The following PATJ variants were observed in gnomAD, a reference collection of about 807,000 sequenced individuals.
The protein encoded by PATJ is inaD-like protein.
PATJ carries 190 observed loss-of-function variants against 224.9 expected under a neutral mutation model. That is an observed-to-expected ratio of 0.84 (90% CI 0.75 to 0.95). PATJ has a LOEUF of 0.95. Ranked by LOEUF, PATJ falls within the 40% of genes least tolerant of loss-of-function variation. The pLI is 0.00. For missense variants in PATJ, 2,121 were observed against 2,270.3 expected (o/e 0.93, Z 1.34); for synonymous variants, 769 against 820.3 (o/e 0.94, Z 1.07).
At position 62,125,370 on chromosome 1, in the gene PATJ, T is replaced by C. The variant is rs192661752; in HGVS notation, c.5043+2312T>C. Reference sequence around the variant, plus strand: ...TAACTCACCTCAAAGGTAAATATTATTGTGTGGATTACATGAGGTCATGAA... The same window carrying C: ...TAACTCACCTCAAAGGTAAATATTACTGTGTGGATTACATGAGGTCATGAA... On this transcript the variant is annotated intron_variant, in intron 39 of 43. Coordinates refer to ENST00000642238, the MANE Select transcript of PATJ (RefSeq NM_001350145.3). 1.6e-3 allele frequency among the ~76,000 whole-genome samples: 240 copies of C among 151,960 alleles called. 1 individual carries two copies. Among genetic ancestry groups the C allele is most frequent in the African/African-American group, 5.6e-3 (231 of 41,414 alleles).
chr1:62,002,729 A>G (rs75600597), intron 28 of PATJ, among the ~76,000 whole-genome samples: 11,260 of 134,710 alleles, frequency 0.084, 804 homozygotes, highest in East Asian at 0.35. Flanking sequence ...AAAAAAAAAA[A>G]AAAAAGAGAG....
Position 62,133,087 on chromosome 1 carries a change from T to A in PATJ, c.5271+4142T>A, listed in dbSNP as rs76437816. Among the ~76,000 whole-genome samples the A allele has an allele frequency of 4.5e-3, 682 of 152,250 alleles. 19 individuals carry two copies. The East Asian group carries it at 0.085, about 19-fold the overall frequency. ...AAGAGTTTGGCGAGCTAAATTTTCA[T>A]CTCTTAGAGTAGGGAGTCAGTGGAC... is the stretch of plus-strand genomic sequence containing the variant. On this transcript the variant is annotated intron_variant, in intron 41 of 43. Coordinates refer to ENST00000642238, the MANE Select transcript of PATJ (RefSeq NM_001350145.3).
chr1:62,143,438 A>ATTTTTTTTTTTT (rs34127211), intron 41 of PATJ, among the ~76,000 whole-genome samples: 1 of 74,310 alleles, frequency 1.3e-5, no homozygotes, highest in East Asian at 5.2e-4. Flanking sequence ...TAAGCTGGGA[A>ATTTTTTTTTTTT]TTTTTTTTTT....
chr1:61,829,967 A>G (rs901893730), intron 16 of PATJ, among the ~76,000 whole-genome samples: 3 of 152,248 alleles, frequency 2.0e-5, no homozygotes, highest in African/African-American at 4.8e-5. Context: ...TTATTGATCC[A>G]TAATGTTTCC....
chr1:61,840,280 G>C (rs1387497508), intron 17 of PATJ, among the ~76,000 whole-genome samples: 1 of 151,996 alleles, frequency 6.6e-6, no homozygotes, highest in Non-Finnish European at 1.5e-5. Flanking sequence ...ATGCACAACA[G>C]AATGACTTTC....
chr1:62,116,666 C>A lies in PATJ; in HGVS notation c.4790C>A (p.Ala1597Asp). The change falls in exon 36 of 44, where the codon GCC becomes GAC. Residue 1597 changes from alanine to aspartate, a missense_variant. Ala to Asp is a moderately radical substitution (Grantham distance 126). Transcript: ENST00000642238. ...DMRNASQETV[A>D]TILKCAQGLV... is the part of the protein sequence containing the mutation. ...AGAAATGCCTCACAGGAGACAGTGG[C>A]CACCATCCTCAAGGTGAGTTGCTAG... is the stretch of plus-strand genomic sequence containing the variant. The A allele has an allele frequency of 6.2e-7, 1 of 1,609,520 alleles. No homozygotes were observed. Among genetic ancestry groups the A allele is most frequent in the Non-Finnish European group, 8.5e-7 (1 of 1,178,014 alleles).
At chr1:61,822,725 C>T (rs1031415103) in intron 14 of PATJ, among the ~76,000 whole-genome samples, 5 of 152,200 alleles carry the variant, frequency 3.3e-5, no homozygotes, top group South Asian at 2.1e-4. Context: ...TCTGTCTCCT[C>T]ATTTCCAGGG....
chr1:62,122,775 G>C (rs1337750380), intron 38 of PATJ, among the ~76,000 whole-genome samples: 2 of 151,686 alleles, frequency 1.3e-5, no homozygotes, highest in Non-Finnish European at 2.9e-5. Flanking sequence ...AGTGAGCTGA[G>C]ATGGTGCCAC....
At chr1:61,910,996 T>C (rs1192602601) in intron 25 of PATJ, among the ~76,000 whole-genome samples, 1 of 152,216 alleles carries the variant, frequency 6.6e-6, no homozygotes, top group Non-Finnish European at 1.5e-5. Flanking sequence ...TAATCATTTT[T>C]ATCTAGTTTA....
intron 40 of PATJ, 126 bp from the exon 41 acceptor site, chr1:62,128,715 G>A (rs1665973305): frequency 5.8e-6 from 4 of 693,932 alleles, no homozygotes; most frequent in African/African-American, 1.7e-5. Flanking sequence ...ATGCATGCAC[G>A]GTAGTAACGC....
chr1:62,161,082 T>A lies in PATJ; in HGVS notation c.*28T>A. 2.2e-6 allele frequency: 3 copies of A among 1,395,286 alleles called. No homozygotes were observed. Among genetic ancestry groups the A allele is most frequent in the Non-Finnish European group, 2.8e-6 (3 of 1,072,708 alleles). 86.4% of individuals were successfully genotyped at this position (1,395,286 alleles called of 1,614,324 possible). A position where few individuals can be genotyped will look rare whatever the true frequency, so the allele number is the denominator to read the frequency against. On this transcript the variant is annotated 3_prime_UTR_variant, in exon 44 of 44. Coordinates refer to ENST00000642238, the MANE Select transcript of PATJ (RefSeq NM_001350145.3). ...CTCGGGCCTGATCACAAGATAGATG[T>A]TGTTGTTTAGAATATCCACAGGCAG...
intron 31 of PATJ, among the ~76,000 whole-genome samples, chr1:62,067,348 C>T (rs192964123): frequency 2.8e-4 from 42 of 151,920 alleles, no homozygotes; most frequent in Non-Finnish European, 4.6e-4. Flanking sequence ...AGGATGGTCT[C>T]AATCTCCTGA....
chr1:62,047,891 T>C (rs1456866098), intron 30 of PATJ, among the ~76,000 whole-genome samples: 1 of 152,210 alleles, frequency 6.6e-6, no homozygotes, highest in Non-Finnish European at 1.5e-5. Flanking sequence ...CTAAGACATG[T>C]TTTAGAAAAT....
At chr1:62,128,124 C>A in intron 40 of PATJ, 30 bp downstream of exon 40, 1 of 1,613,472 alleles carries the variant, frequency 6.2e-7, no homozygotes, top group South Asian at 1.1e-5. Context: ...GAAAGACTAA[C>A]AATATGTGTT....
intron 27 of PATJ, among the ~76,000 whole-genome samples, chr1:61,943,297 C>T (rs1571414362): frequency 6.6e-6 from 1 of 152,184 alleles, no homozygotes; most frequent in Non-Finnish European, 1.5e-5. Flanking sequence ...GGCGGGGCAT[C>T]GCCTCACCCA....
chr1:62,058,983 C>T (rs887589087), intron 31 of PATJ, among the ~76,000 whole-genome samples: 4 of 152,224 alleles, frequency 2.6e-5, no homozygotes, highest in Non-Finnish European at 5.9e-5. Context: ...TTCCATTTTC[C>T]ACTGGAAATG....
chr1:62,107,016 T>C (rs1236707081), intron 33 of PATJ, among the ~76,000 whole-genome samples: 1 of 152,082 alleles, frequency 6.6e-6, no homozygotes, highest in African/African-American at 2.4e-5. Flanking sequence ...TCAAAAGCTG[T>C]GTCCCTCTCG....
At chr1:61,788,282 AC>A (rs1260346210) in intron 8 of PATJ, among the ~76,000 whole-genome samples, 8 of 152,150 alleles carry the variant, frequency 5.3e-5, no homozygotes, top group Non-Finnish European at 1.2e-4. Context: ...AAAACTGTAA[AC>A]ACTGGCCGAT....
intron 31 of PATJ, among the ~76,000 whole-genome samples, chr1:62,062,865 G>A (rs1428798244): frequency 2.0e-5 from 3 of 151,834 alleles, no homozygotes; most frequent in Non-Finnish European, 2.9e-5. Flanking sequence ...GGTTGTTTTT[G>A]GCTTGTTGAT....
Sources: gnomAD v4.1 joint callset for allele counts (sites outside exome capture counted in the v4.1 genomes callset) on GRCh38, gnomAD v4.1.1 for gene constraint, MANE v1.5 for transcripts, NCBI Gene and HGNC (gene_info 2026-07-23, HGNC 2026-07-21) for gene names.